The following FHIT variants were observed in gnomAD, a reference collection of about 807,000 sequenced individuals.
The protein encoded by FHIT is bis(5'-adenosyl)-triphosphatase.
In FHIT, 19 loss-of-function variants were observed where a neutral mutation model predicts 17.9. That is an observed-to-expected ratio of 1.06 (90% CI 0.74 to 1.56). FHIT has a LOEUF of 1.56. FHIT is among the 40% of genes most tolerant of loss of function. The pLI is 0.00. For missense variants in FHIT, 248 were observed against 189.2 expected (o/e 1.31, Z -1.82); for synonymous variants, 81 against 69.7 (o/e 1.16, Z -0.81).
chr3:61,088,855 G>C (rs969530374), intron 2 of FHIT, among the ~76,000 whole-genome samples: 3 of 151,728 alleles, frequency 2.0e-5, no homozygotes, highest in African/African-American at 7.3e-5. Context: ...CATGAAAACT[G>C]CAAGTATGGC....
chr3:60,845,872 G>T (rs1702909514), intron 3 of FHIT, among the ~76,000 whole-genome samples: 1 of 152,180 alleles, frequency 6.6e-6, no homozygotes, highest in African/African-American at 2.4e-5. Flanking sequence ...GAAAATGTCT[G>T]TCAGTGTCAA....
At chr3:60,920,258 G>A (rs1352301025) in intron 3 of FHIT, among the ~76,000 whole-genome samples, 1 of 152,168 alleles carries the variant, frequency 6.6e-6, no homozygotes, top group African/African-American at 2.4e-5. Flanking sequence ...GAAAATGGGG[G>A]AGGGTCATGT....
intron 8 of FHIT, among the ~76,000 whole-genome samples, chr3:59,907,344 C>G (rs1237863357): frequency 6.6e-6 from 1 of 152,214 alleles, no homozygotes; most frequent in African/African-American, 2.4e-5. Context: ...GTGCCATTTC[C>G]TTCCTGACCA....
intron 4 of FHIT, among the ~76,000 whole-genome samples, chr3:60,654,749 T>C (rs2107812976): frequency 6.6e-6 from 1 of 152,314 alleles, no homozygotes; most frequent in African/African-American, 2.4e-5. Context: ...CACTAAATAA[T>C]TTAGCAAATC....
intron 4 of FHIT, among the ~76,000 whole-genome samples, chr3:60,762,897 A>AT (rs1699707532): frequency 1.3e-5 from 2 of 152,150 alleles, no homozygotes; most frequent in East Asian, 3.9e-4. Context: ...TAACCTGCAG[A>AT]TTTTGGACTG....
At chr3:60,666,038 A>T (rs1577046614) in intron 4 of FHIT, among the ~76,000 whole-genome samples, 1 of 152,162 alleles carries the variant, frequency 6.6e-6, no homozygotes, top group Admixed American at 6.5e-5. Context: ...CTTCACTCCC[A>T]TTTAAATCTC....
intron 3 of FHIT, among the ~76,000 whole-genome samples, chr3:60,854,754 A>C (rs1464697052): frequency 1.3e-5 from 2 of 152,234 alleles, no homozygotes; most frequent in East Asian, 3.9e-4. Context: ...TTCCACATAC[A>C]TCTGCCCAGC....
chr3:60,839,160 G>T (rs112342072), intron 3 of FHIT, among the ~76,000 whole-genome samples: 1 of 152,110 alleles, frequency 6.6e-6, no homozygotes, highest in African/African-American at 2.4e-5. Flanking sequence ...AGGAGCTACC[G>T]AACAGACGAA....
At chr3:60,316,634 A>T (rs557307767) in intron 5 of FHIT, among the ~76,000 whole-genome samples, 1 of 152,208 alleles carries the variant, frequency 6.6e-6, no homozygotes, top group Non-Finnish European at 1.5e-5. Flanking sequence ...TTGCATTGCT[A>T]CAAATTTGAA....
chr3:60,839,334 G>A (rs1702640140), intron 3 of FHIT, among the ~76,000 whole-genome samples: 1 of 151,982 alleles, frequency 6.6e-6, no homozygotes, highest in Non-Finnish European at 1.5e-5. Flanking sequence ...AGACTCAGCC[G>A]ATTCCCTGCC....
At chr3:59,938,441 G>A (rs942130539) in intron 7 of FHIT, among the ~76,000 whole-genome samples, 22 of 152,094 alleles carry the variant, frequency 1.4e-4, no homozygotes, top group South Asian at 2.1e-4. Context: ...AGAATAGTAA[G>A]CAGCAGATTT....
chr3:59,943,854 T>C (rs2107277969), intron 7 of FHIT, among the ~76,000 whole-genome samples: 1 of 152,306 alleles, frequency 6.6e-6, no homozygotes, highest in South Asian at 2.1e-4. Flanking sequence ...TGTGCATGCA[T>C]CCTCATCACA....
chr3:60,338,839 C>T (rs1710372021), intron 5 of FHIT, among the ~76,000 whole-genome samples: 1 of 152,084 alleles, frequency 6.6e-6, no homozygotes, highest in East Asian at 1.9e-4. Flanking sequence ...TTAAGCCTTC[C>T]CTCAGAATTA....
intron 5 of FHIT, among the ~76,000 whole-genome samples, chr3:60,380,190 T>A (rs957826463): frequency 1.3e-5 from 2 of 152,132 alleles, no homozygotes; most frequent in Non-Finnish European, 2.9e-5. Flanking sequence ...GGGGTAGATC[T>A]GTAATGAATA....
intron 8 of FHIT, among the ~76,000 whole-genome samples, chr3:59,772,964 C>T (rs964152892): frequency 2.6e-5 from 4 of 152,198 alleles, no homozygotes; most frequent in Non-Finnish European, 4.4e-5. Context: ...GTAGGCTTTC[C>T]GGCTTGTGGC....
At chr3:60,370,464 G>A (rs7635477) in intron 5 of FHIT, among the ~76,000 whole-genome samples, 103,647 of 151,988 alleles carry the variant, frequency 0.68, 36,020 homozygotes, top group African/African-American at 0.82. Flanking sequence ...TTTCAAGGTC[G>A]CGCCTCCTCA....
At chr3:60,434,403 T>G (rs2030022508) in intron 5 of FHIT, among the ~76,000 whole-genome samples, 1 of 152,038 alleles carries the variant, frequency 6.6e-6, no homozygotes, top group African/African-American at 2.4e-5. Context: ...TCTGACACAT[T>G]TTCTTCCCTG....
At chr3:61,097,863 G>A (rs1481620675) in intron 2 of FHIT, among the ~76,000 whole-genome samples, 1 of 152,104 alleles carries the variant, frequency 6.6e-6, no homozygotes, top group African/African-American at 2.4e-5. Flanking sequence ...TTTGTTAGAT[G>A]CATAGTTTGC....
chr3:61,208,992 G>A (rs1048850334), intron 1 of FHIT, among the ~76,000 whole-genome samples: 3 of 151,972 alleles, frequency 2.0e-5, no homozygotes, highest in African/African-American at 7.2e-5. Context: ...TCCTTCAGGG[G>A]CTCTTTTAGG....
Sources: gnomAD v4.1 joint callset for allele counts (sites outside exome capture counted in the v4.1 genomes callset) on GRCh38, gnomAD v4.1.1 for gene constraint, MANE v1.5 for transcripts, NCBI Gene and HGNC (gene_info 2026-07-23, HGNC 2026-07-21) for gene names.